Variants in CDH4 observed in about 807,000 individuals in gnomAD.
CDH4 encodes the protein cadherin 4, also known as cadherin-4.
A neutral mutation model predicts 86.0 loss-of-function variants in CDH4; 33 were observed. That is an observed-to-expected ratio of 0.38 (90% CI 0.29 to 0.51). CDH4 has a LOEUF of 0.51. CDH4 is among the 20% of genes least tolerant of loss of function. The pLI is 0.86. For missense variants in CDH4, 1,114 were observed against 1,307.4 expected, an observed-to-expected ratio of 0.85 and a Z score of 2.28; for synonymous variants, 555 against 549.4, an observed-to-expected ratio of 1.01 and a Z score of -0.14.
At chr20:61,664,980 A>T (rs1312477084) in intron 2 of CDH4, among the ~76,000 whole-genome samples, 2 of 152,242 alleles carry the variant, frequency 1.3e-5, no homozygotes, top group Admixed American at 1.3e-4. Flanking sequence ...TAAGTTTGAC[A>T]GTTGAAATTA....
chr20:61,324,242 A>T (rs779366051), intron 2 of CDH4, among the ~76,000 whole-genome samples: 16 of 152,188 alleles, frequency 1.1e-4, no homozygotes, highest in Non-Finnish European at 1.9e-4. Context: ...TATGTGGTAC[A>T]GTCCAGGAAG....
intron 2 of CDH4, among the ~76,000 whole-genome samples, chr20:61,618,883 T>G (rs2086747185): frequency 6.6e-6 from 1 of 152,188 alleles, no homozygotes; most frequent in Non-Finnish European, 1.5e-5. Context: ...TTTCTGTGGC[T>G]CTGAAATTGG....
Position 61,394,277 on chromosome 20 carries a change from A to C in CDH4, c.169+139340A>C, listed in dbSNP as rs540152534. Among the ~76,000 whole-genome samples the C allele has an allele frequency of 2.8e-3, 429 of 152,168 alleles. 1 individual carries two copies. Among genetic ancestry groups the C allele is most frequent in the Non-Finnish European group, 4.0e-3 (275 of 68,008 alleles). On this transcript the variant is annotated intron_variant, in intron 2 of 15. Transcript: ENST00000614565. ...TTTCCACCCGGGAAGGCATCACTCCAGCATCTCCTGCCATCCAGGACTCTC... is the reference window on the plus strand; with the variant it reads ...TTTCCACCCGGGAAGGCATCACTCCCGCATCTCCTGCCATCCAGGACTCTC...
chr20:61,798,274 G>A (rs191953795), intron 4 of CDH4, among the ~76,000 whole-genome samples: 111 of 152,288 alleles, frequency 7.3e-4, no homozygotes, highest in Non-Finnish European at 1.4e-3. Flanking sequence ...AGGGGAGGGG[G>A]TGTGGTCCCG....
intron 9 of CDH4, among the ~76,000 whole-genome samples, chr20:61,917,553 A>G (rs1484139015): frequency 2.0e-5 from 3 of 152,228 alleles, no homozygotes; most frequent in Non-Finnish European, 1.5e-5. Flanking sequence ...CTCCTCCCCA[A>G]GACAGGGGCG....
At chr20:61,380,324 A>G (rs1182402601) in intron 2 of CDH4, among the ~76,000 whole-genome samples, 4 of 152,196 alleles carry the variant, frequency 2.6e-5, no homozygotes, top group African/African-American at 9.6e-5. Context: ...CAATGGTTGA[A>G]TGGACACCAT....
chr20:61,451,812 C>T (rs2085382544), intron 2 of CDH4, among the ~76,000 whole-genome samples: 1 of 152,084 alleles, frequency 6.6e-6, no homozygotes, highest in Non-Finnish European at 1.5e-5. Context: ...ATACAAGCTT[C>T]CATTTGTCTC....
intron 6 of CDH4, among the ~76,000 whole-genome samples, chr20:61,859,123 C>T (rs528223114): frequency 5.5e-4 from 83 of 152,280 alleles, no homozygotes; most frequent in African/African-American, 1.9e-3. Flanking sequence ...ATGGTGGCCC[C>T]TCGTGGTTTT....
At chr20:61,882,829 G>A (rs1256396561) in intron 7 of CDH4, among the ~76,000 whole-genome samples, 2 of 89,864 alleles carry the variant, frequency 2.2e-5, no homozygotes, top group South Asian at 3.3e-4. Context: ...CCAGCCCCCC[G>A]CCCCTTCCTA....
At chr20:61,694,764 T>G (rs1487682027) in intron 2 of CDH4, among the ~76,000 whole-genome samples, 1 of 152,220 alleles carries the variant, frequency 6.6e-6, no homozygotes, top group Non-Finnish European at 1.5e-5. Context: ...TCCTGTCTCC[T>G]GGCACCGTGA....
intron 2 of CDH4, 73 bp from the exon 3 acceptor site, chr20:61,743,490 G>T: frequency 3.5e-6 from 4 of 1,155,646 alleles, no homozygotes; most frequent in Admixed American, 2.0e-5. Context: ...AGGGCGTCCT[G>T]CGTGGTTGCT....
chr20:61,556,137 G>A (rs2086175965), intron 2 of CDH4, among the ~76,000 whole-genome samples: 1 of 152,212 alleles, frequency 6.6e-6, no homozygotes, highest in African/African-American at 2.4e-5. Flanking sequence ...GTTTGCCAGG[G>A]ATGCCTTGAA....
intron 2 of CDH4, among the ~76,000 whole-genome samples, chr20:61,692,464 T>C (rs2087670438): frequency 6.6e-6 from 1 of 152,244 alleles, no homozygotes; most frequent in South Asian, 2.1e-4. Context: ...ATAGATAGAC[T>C]GACATAAGAC....
At chr20:61,920,130 C>CGTGGAAGCATGTTGTGATTGT (rs2054958147) in intron 9 of CDH4, among the ~76,000 whole-genome samples, 1 of 9,456 alleles carries the variant, frequency 1.1e-4, no homozygotes, top group African/African-American at 3.9e-4. Context: ...ACGGTGATTG[C>CGTGGAAGCATGTTGTGATTGT]GTGGAAGCGT....
intron 7 of CDH4, among the ~76,000 whole-genome samples, chr20:61,874,365 C>T (rs1983930917): frequency 6.6e-6 from 1 of 152,202 alleles, no homozygotes; most frequent in Admixed American, 6.5e-5. Context: ...CAGTGCTTTT[C>T]ACACAGCCTG....
intron 2 of CDH4, among the ~76,000 whole-genome samples, chr20:61,259,147 ACAG>A (rs2084116279): frequency 6.6e-6 from 1 of 152,254 alleles, no homozygotes; most frequent in African/African-American, 2.4e-5. Flanking sequence ...GAGTTGACAG[ACAG>A]TGAATTGCTG....
intron 6 of CDH4, among the ~76,000 whole-genome samples, chr20:61,858,325 C>CTGTCTGTGTCTG (rs140028683): frequency 6.9e-6 from 1 of 145,702 alleles, no homozygotes; most frequent in Non-Finnish European, 1.5e-5. Context: ...GTGTCTGTGT[C>CTGTCTGTGTCTG]TGTCTGTGTC....
chr20:61,343,577 G>C (rs1349571716), intron 2 of CDH4, among the ~76,000 whole-genome samples: 1 of 152,184 alleles, frequency 6.6e-6, no homozygotes, highest in Non-Finnish European at 1.5e-5. Flanking sequence ...AAAACTCTCA[G>C]TGGTTCCAGC....
In CDH4 at chr20:61,676,674, C is replaced by G. The variant is rs2087447883; in HGVS notation, c.170-66889C>G. Among the ~76,000 whole-genome samples the G allele has an allele frequency of 6.6e-6, 1 of 152,188 alleles. No individual in the cohort carries two copies. Among genetic ancestry groups the G allele is most frequent in the Non-Finnish European group, 1.5e-5 (1 of 68,044 alleles). On this transcript the variant is annotated intron_variant, in intron 2 of 15. Transcript: ENST00000614565. This position sits in a 1 kb window ranked among gnomAD's most constrained non-coding sequence, Gnocchi z 4.5. The stretch of plus-strand genomic sequence containing the variant: ...ATGCCCTCAACAAACAAACTCAATC[C>G]CACACACCCCCAGGAGCCTATGGAA...
Sources: allele counts gnomAD v4.1 joint callset (sites outside exome capture counted in the v4.1 genomes callset), GRCh38; gene constraint gnomAD v4.1.1; non-coding constraint Gnocchi (gnomAD v3.1); transcripts MANE v1.5; gene names NCBI Gene and HGNC (gene_info 2026-07-23, HGNC 2026-07-21).